Variants in DYNC2H1 observed in about 807,000 individuals in gnomAD.
The protein encoded by DYNC2H1 is cytoplasmic dynein 2 heavy chain 1.
A neutral mutation model predicts 570.0 loss-of-function variants in DYNC2H1; 410 were observed. The observed-to-expected ratio is 0.72, with a 90% CI of 0.66 to 0.78. DYNC2H1 has a LOEUF of 0.78. Among genes scored for constraint, DYNC2H1 ranks in the 30% least tolerant of loss-of-function variants. DYNC2H1 has a pLI of 0.00. For missense variants in DYNC2H1, 4,865 were observed against 5,046.4 expected, an observed-to-expected ratio of 0.96 and a Z score of 1.09; for synonymous variants, 1,688 against 1,677.6, an observed-to-expected ratio of 1.01 and a Z score of -0.15.
At chr11:103,123,845 A>AT (rs1269509709) in intron 11 of DYNC2H1, among the ~76,000 whole-genome samples, 3 of 149,386 alleles carry the variant, frequency 2.0e-5, no homozygotes, top group East Asian at 2.0e-4. Context: ...TTTTAGACCC[A>AT]TTTTTTGTCC....
At chr11:103,121,946 A>G (rs1465422290) in intron 10 of DYNC2H1, among the ~76,000 whole-genome samples, 1 of 151,698 alleles carries the variant, frequency 6.6e-6, no homozygotes, top group Non-Finnish European at 1.5e-5. Context: ...AAGAGATGCT[A>G]TCTCAAAAAA....
intron 1 of DYNC2H1, 35 bp downstream of exon 1, chr11:103,109,804 C>A: frequency 6.3e-7 from 1 of 1,589,352 alleles, no homozygotes. Context: ...GACCCCTGAC[C>A]ACTCTTCAAG....
At position 103,187,544 on chromosome 11, in the gene DYNC2H1, T is replaced by C; in HGVS notation, c.7098T>C (p.Leu2366=). Residue 2366 remains leucine, a synonymous_variant, in exon 43 of 89, where the codon CTT becomes CTC. Coordinates refer to ENST00000375735, the MANE Select transcript of DYNC2H1 (RefSeq NM_001377.3). ...LYLKDINLPK[L]DKWGTSTLVA... ...TAAAAGATATCAACCTACCTAAACT[T>C]GATAAATGGGGGACCAGTACTTTGG... is the stretch of plus-strand genomic sequence containing the variant. The C allele has an allele frequency of 6.2e-7, 1 of 1,613,182 alleles. No individual in the cohort carries two copies.
At chr11:103,141,615 T>C (rs1045853036) in intron 17 of DYNC2H1, among the ~76,000 whole-genome samples, 1 of 152,170 alleles carries the variant, frequency 6.6e-6, no homozygotes, top group Admixed American at 6.5e-5. Flanking sequence ...CTGCCCCTAC[T>C]GGGGGGTGCC....
chr11:103,255,655 T>A (rs922860018), intron 67 of DYNC2H1, 121 bp downstream of exon 67: 5 of 995,676 alleles, frequency 5.0e-6, no homozygotes, highest in African/African-American at 1.7e-5. Context: ...CATATTAGTG[T>A]ATATCTTACA....
At position 103,180,540 on chromosome 11, in the gene DYNC2H1, T is replaced by C. The variant is rs535390747; in HGVS notation, c.6348-1217T>C. 1.1e-4 allele frequency among the ~76,000 whole-genome samples: 16 copies of C among 151,824 alleles called. No homozygotes were observed. In the East Asian group the frequency reaches 3.1e-3, roughly 29 times the overall value. The stretch of plus-strand genomic sequence containing the variant: ...TATATGATTTCATGTAAAATACAAA[T>C]ACATATTAACTTTTTTTGTTGCTAT... On this transcript the variant is annotated intron_variant, in intron 39 of 88. Coordinates refer to ENST00000375735, the MANE Select transcript of DYNC2H1 (RefSeq NM_001377.3).
intron 70 of DYNC2H1, among the ~76,000 whole-genome samples, chr11:103,270,102 A>G (rs942373972): frequency 6.6e-5 from 10 of 151,818 alleles, no homozygotes; most frequent in Non-Finnish European, 1.3e-4. Context: ...CTGAGGCACG[A>G]GAATTGCTTG....
rs1037841385 is a variant in DYNC2H1, at chr11:103,189,538, C to G, written c.7293-134C>G. On this transcript the variant is annotated intron_variant, in intron 44 of 88. Transcript: ENST00000375735. This position sits in a 1 kb window ranked among gnomAD's most constrained non-coding sequence, Gnocchi z 4.3. ...CGGGGCGATGAGCCTAGTCTTAGCC[C>G]CCTGGGTAAGCTTTGGAGATATGTA... The G allele has an allele frequency of 3.3e-5, 27 of 810,534 alleles. No homozygotes were observed. The African/African-American group carries it at 4.3e-4, about 13-fold the overall frequency. 50.2% of individuals were successfully genotyped at this position (810,534 alleles called of 1,614,324 possible).
In DYNC2H1 at chr11:103,414,881, C is replaced by A. The variant is rs988107296; in HGVS notation, c.12366+15009C>A. On this transcript the variant is annotated intron_variant, in intron 84 of 88. Coordinates refer to ENST00000375735, the MANE Select transcript of DYNC2H1 (RefSeq NM_001377.3). ...AAAACCACTGCTCAAGGAAATAAGA[C>A]AGGACACAAACAAATAGAAAAAAAA... is the stretch of plus-strand genomic sequence containing the variant. 2.6e-5 allele frequency among the ~76,000 whole-genome samples: 4 copies of A among 152,064 alleles called. No homozygotes were observed. In the South Asian group the frequency reaches 8.3e-4, roughly 31 times the overall value.
At position 103,308,684 on chromosome 11, in the gene DYNC2H1, T is replaced by A. The variant is rs72975631; in HGVS notation, c.11493+853T>A. ...GAGTGTGTGTGTTTAATAGTGGTCG[T>A]CTGAGTGGGTGTGAGGTGATGTCTG... is the stretch of plus-strand genomic sequence containing the variant. On this transcript the variant is annotated intron_variant, in intron 78 of 88. Coordinates refer to ENST00000375735, the MANE Select transcript of DYNC2H1 (RefSeq NM_001377.3). Among the ~76,000 whole-genome samples, 277 of 152,292 alleles carry A rather than the reference T, an allele frequency of 1.8e-3. 1 individual carries two copies. The highest frequency in any genetic ancestry group is 2.4e-3 in the Non-Finnish European group (164 of 68,020).
chr11:103,191,334 C>T lies in DYNC2H1; in HGVS notation c.7438-183C>T, dbSNP rs111267979. ...GATTATAGGCATGAGCAACTGCGCC[C>T]GACCAGAATGTTTTTAAGTGCATAA... On this transcript the variant is annotated intron_variant, in intron 45 of 88. Coordinates refer to ENST00000375735, the MANE Select transcript of DYNC2H1 (RefSeq NM_001377.3). 0.031 allele frequency among the ~76,000 whole-genome samples: 4,674 copies of T among 151,948 alleles called. 111 individuals are homozygous for T. The highest frequency in any genetic ancestry group is 0.053 in the Non-Finnish European group (3,577 of 67,938).
At chr11:103,470,684 C>A (rs540014154) in intron 88 of DYNC2H1, among the ~76,000 whole-genome samples, 5 of 152,084 alleles carry the variant, frequency 3.3e-5, no homozygotes, top group Middle Eastern at 3.2e-3. Flanking sequence ...TATGTCCTTG[C>A]GATAGTTTGC....
intron 1 of DYNC2H1, among the ~76,000 whole-genome samples, chr11:103,111,752 T>C (rs920601886): frequency 2.0e-5 from 3 of 152,214 alleles, no homozygotes; most frequent in African/African-American, 7.2e-5. Flanking sequence ...TTATTTTTAG[T>C]TGTACACTTC....
At chr11:103,267,180 G>T (rs914365056) in intron 70 of DYNC2H1, among the ~76,000 whole-genome samples, 24 of 151,984 alleles carry the variant, frequency 1.6e-4, no homozygotes, top group Non-Finnish European at 1.2e-4. Context: ...CAGAGCCACT[G>T]AGGGCCAGGA....
Position 103,432,044 on chromosome 11 carries a change from G to A in DYNC2H1, c.12367-3899G>A, listed in dbSNP as rs541473491. On this transcript the variant is annotated intron_variant, in intron 84 of 88. Transcript: ENST00000375735. ...GCTGTAGTGGATCAGACCAGCCGCC[G>A]AGCACCAAACAGCAACCATGACCTT... Among the ~76,000 whole-genome samples, 9 of 152,188 alleles carry A rather than the reference G, an allele frequency of 5.9e-5. No individual in the cohort carries two copies. In the East Asian group the frequency reaches 1.5e-3, roughly 26 times the overall value.
intron 47 of DYNC2H1, 129 bp downstream of exon 47, chr11:103,192,393 T>C: frequency 1.6e-6 from 1 of 639,442 alleles, no homozygotes; most frequent in Non-Finnish European, 2.3e-6. Context: ...TATTTTTCCG[T>C]AAGGTACAGC....
At chr11:103,173,873 C>A (rs1018867534) in intron 35 of DYNC2H1, among the ~76,000 whole-genome samples, 182 bp from the exon 36 acceptor site, 1 of 152,080 alleles carries the variant, frequency 6.6e-6, no homozygotes, top group African/African-American at 2.4e-5. Context: ...CCTTGAGAAC[C>A]GTCCATCTTT....
chr11:103,170,752 C>T lies in DYNC2H1; in HGVS notation c.5152-134C>T, dbSNP rs546085789. 1.4e-4 allele frequency: 115 copies of T among 837,052 alleles called. No homozygotes were observed. The East Asian group carries it at 2.5e-3, about 19-fold the overall frequency. The allele number at this position is 837,052 out of a possible 1,614,324, so 51.9% of individuals were successfully genotyped here. ...GTTTTGAAAGAGTAGCTACTTAATC[C>T]GTATTTTAAAATGAGCAAAAGAGGC... On this transcript the variant is annotated intron_variant, in intron 33 of 88. Coordinates refer to ENST00000375735, the MANE Select transcript of DYNC2H1 (RefSeq NM_001377.3). The surrounding 1 kb of genome is among the most constrained non-coding windows in gnomAD (Gnocchi z 4.8).
chr11:103,272,780 T>C (rs868037435), intron 70 of DYNC2H1, among the ~76,000 whole-genome samples: 20 of 152,010 alleles, frequency 1.3e-4, no homozygotes, highest in African/African-American at 4.6e-4. Context: ...TTTACTAGAG[T>C]GTATGGGATT....
Sources: gnomAD v4.1 joint callset for allele counts (sites outside exome capture counted in the v4.1 genomes callset) on GRCh38, gnomAD v4.1.1 for gene constraint, Gnocchi (gnomAD v3.1) non-coding constraint, MANE v1.5 for transcripts, NCBI Gene and HGNC (gene_info 2026-07-23, HGNC 2026-07-21) for gene names.